Variants in ARRB1 observed in about 807,000 individuals in gnomAD.
ARRB1 encodes arrestin beta 1, also known as beta-arrestin-1.
Under a neutral mutation model 56.8 loss-of-function variants are expected in ARRB1, and 21 were observed. The ratio of observed to expected loss-of-function variants is 0.37; its 90% CI spans 0.26 to 0.53. The LOEUF is 0.53. Among genes scored for constraint, ARRB1 ranks in the 20% least tolerant of loss-of-function variants. The probability of loss-of-function intolerance (pLI) is 0.88; values close to 1 mark genes in which losing one functional copy is unlikely to be tolerated. For synonymous variants in ARRB1, 210 were observed against 218.6 expected (o/e 0.96, Z 0.35); for missense variants, 424 against 553.7 (o/e 0.77, Z 2.35).
intron 1 of ARRB1, among the ~76,000 whole-genome samples, chr11:75,324,232 C>A (rs940796063): frequency 1.3e-5 from 2 of 152,208 alleles, no homozygotes; most frequent in South Asian, 2.1e-4. Flanking sequence ...CCGCGCCCTC[C>A]CCCCAGGTCT....
chr11:75,348,113 G>T (rs184127306), intron 1 of ARRB1, among the ~76,000 whole-genome samples: 204 of 152,270 alleles, frequency 1.3e-3, no homozygotes, highest in African/African-American at 4.8e-3. Flanking sequence ...TCTCTCCTTA[G>T]CCTGACATTC....
At chr11:75,329,906 A>G (rs1053866159) in intron 1 of ARRB1, among the ~76,000 whole-genome samples, 1 of 152,100 alleles carries the variant, frequency 6.6e-6, no homozygotes, top group African/African-American at 2.4e-5. Context: ...AAGCTGATGC[A>G]GGAGGATCAC....
chr11:75,312,475 C>T (rs1947183207), intron 1 of ARRB1, among the ~76,000 whole-genome samples: 1 of 152,150 alleles, frequency 6.6e-6, no homozygotes, highest in South Asian at 2.1e-4. Context: ...GCATTGGGAG[C>T]CTTTCATTGT....
At position 75,261,599 on chromosome 11, in the gene ARRB1, C is replaced by T. The variant is rs542425606; in HGVS notation, c.*4564G>A. ...TCTACAAACCATAGGCCCCACGGACCTGTGCTTTGACTTCCCTTTTGGGGT... is the reference window on the plus strand; with the variant it reads ...TCTACAAACCATAGGCCCCACGGACTTGTGCTTTGACTTCCCTTTTGGGGT... On this transcript the variant is annotated 3_prime_UTR_variant, in exon 16 of 16. Transcript: ENST00000420843. The T allele has an allele frequency of 6.6e-6, 1 of 152,320 alleles. No homozygotes were observed. Among genetic ancestry groups the T allele is most frequent in the South Asian group, 2.1e-4 (1 of 4,822 alleles). 9.4% of individuals were successfully genotyped at this position (152,320 alleles called of 1,614,324 possible).
intron 1 of ARRB1, among the ~76,000 whole-genome samples, chr11:75,309,279 C>T (rs116787983): frequency 0.015 from 2,261 of 152,370 alleles, 49 homozygotes; most frequent in African/African-American, 0.052. Context: ...GGGAGCTTTG[C>T]CAGGCCTCTC....
intron 1 of ARRB1, among the ~76,000 whole-genome samples, chr11:75,303,405 CT>C (rs563858057): frequency 1.5e-3 from 221 of 152,288 alleles, no homozygotes; most frequent in African/African-American, 5.2e-3. Flanking sequence ...ACTGCAGCCC[CT>C]TCCCATCCTT....
chr11:75,319,161 C>G (rs1264966180), intron 1 of ARRB1, among the ~76,000 whole-genome samples: 4 of 152,162 alleles, frequency 2.6e-5, no homozygotes, highest in African/African-American at 9.7e-5. Context: ...ACAGCTGGCT[C>G]CAACAGGTTC....
At position 75,341,438 on chromosome 11, in the gene ARRB1, G is replaced by A. The variant is rs530186126; in HGVS notation, c.20+10150C>T. On this transcript the variant is annotated intron_variant, in intron 1 of 15. Coordinates refer to ENST00000420843, the MANE Select transcript of ARRB1 (RefSeq NM_004041.5). ...CAGGCGTCAGCCACCATGCCTGGCC[G>A]ACAATGGCTTTTTATGAAGCCCTTA... is the stretch of plus-strand genomic sequence containing the variant. Among the ~76,000 whole-genome samples, 24 of 152,196 alleles carry A rather than the reference G, an allele frequency of 1.6e-4. No homozygotes were observed. In the East Asian group the frequency reaches 2.3e-3, roughly 15 times the overall value.
At position 75,325,485 on chromosome 11, in the gene ARRB1, C is replaced by A. The variant is rs185103902; in HGVS notation, c.20+26103G>T. Among the ~76,000 whole-genome samples the A allele has an allele frequency of 4.0e-3, 610 of 152,258 alleles. 5 individuals are homozygous for A. The highest frequency in any genetic ancestry group is 0.014 in the African/African-American group (580 of 41,522). ...TACAGGCATGTACCACCACATCCAG[C>A]TAACTTTTGTATTTTTAGTAGAGAC... On this transcript the variant is annotated intron_variant, in intron 1 of 15. Transcript: ENST00000420843.
chr11:75,304,312 ACT>A (rs10557032), intron 1 of ARRB1, among the ~76,000 whole-genome samples: 3,142 of 151,772 alleles, frequency 0.021, 106 homozygotes, highest in African/African-American at 0.071. Context: ...CATATCTCTG[ACT>A]CTGTGTCCAC....
At chr11:75,334,971 AC>A (rs1208398593) in intron 1 of ARRB1, 2 of 166,626 alleles carry the variant, frequency 1.2e-5, no homozygotes, top group Non-Finnish European at 2.9e-5. Flanking sequence ...AAAAAAGAGT[AC>A]AAAAATAATT....
At chr11:75,270,783 C>T (rs1946059878) in intron 13 of ARRB1, 1 of 152,170 alleles carries the variant, frequency 6.6e-6, no homozygotes, top group African/African-American at 2.4e-5. Flanking sequence ...GCAATAGAAT[C>T]AGACCTTGTC....
intron 1 of ARRB1, chr11:75,303,738 GCCCAGTT>G: frequency 2.2e-6 from 1 of 455,026 alleles, no homozygotes; most frequent in Non-Finnish European, 4.4e-6. Flanking sequence ...TGTGTGATGT[GCCCAGTT>G]CCGTTCCAGG....
intron 5 of ARRB1, 22 bp from the exon 6 acceptor site, chr11:75,282,043 G>A (rs184620830): frequency 5.6e-6 from 9 of 1,613,138 alleles, no homozygotes; most frequent in African/African-American, 1.3e-5. Flanking sequence ...AGGACAGAAC[G>A]AGCCACCTGT....
chr11:75,325,602 C>T (rs1329226966), intron 1 of ARRB1, among the ~76,000 whole-genome samples: 3 of 152,198 alleles, frequency 2.0e-5, no homozygotes, highest in Non-Finnish European at 4.4e-5. Context: ...GGATTATAGG[C>T]GTGAGCCACC....
intron 13 of ARRB1, among the ~76,000 whole-genome samples, chr11:75,269,800 T>C (rs1835616094): frequency 6.6e-6 from 1 of 152,210 alleles, no homozygotes; most frequent in South Asian, 2.1e-4. Context: ...CTATTAATGG[T>C]TATTATTAGA....
At chr11:75,338,781 G>T (rs1283498619) in intron 1 of ARRB1, among the ~76,000 whole-genome samples, 1 of 152,026 alleles carries the variant, frequency 6.6e-6, no homozygotes, top group Non-Finnish European at 1.5e-5. Context: ...GTCATTTTTA[G>T]AATGTCAAAA....
At chr11:75,348,650 T>G (rs1156704441) in intron 1 of ARRB1, among the ~76,000 whole-genome samples, 1 of 151,934 alleles carries the variant, frequency 6.6e-6, no homozygotes, top group Non-Finnish European at 1.5e-5. Context: ...CAGGCTGGAG[T>G]GCAGTGGCAT....
chr11:75,284,187 G>A (rs752049205), intron 4 of ARRB1, 48 bp downstream of exon 4: 6 of 1,561,680 alleles, frequency 3.8e-6, no homozygotes, highest in South Asian at 3.5e-5. Context: ...GGTCCGGGGG[G>A]AAGAGGAGGC....
Sources: gnomAD v4.1 joint callset for allele counts (sites outside exome capture counted in the v4.1 genomes callset) on GRCh38, gnomAD v4.1.1 for gene constraint, MANE v1.5 for transcripts, NCBI Gene and HGNC (gene_info 2026-07-23, HGNC 2026-07-21) for gene names.